The following PKNOX2 variants were observed in gnomAD, a reference collection of about 807,000 sequenced individuals.
PKNOX2 encodes PBX/knotted 1 homeobox 2, also known as homeobox protein PKNOX2.
A neutral mutation model predicts 53.1 loss-of-function variants in PKNOX2; 14 were observed. The ratio of observed to expected loss-of-function variants is 0.26; its 90% CI spans 0.17 to 0.41. The LOEUF (loss-of-function observed/expected upper bound fraction) is 0.41. PKNOX2 is among the 10% of genes least tolerant of loss of function. PKNOX2 has a pLI of 1.00. For missense variants in PKNOX2, 496 were observed against 602.8 expected (o/e 0.82, Z 1.85); for synonymous variants, 257 against 242.8 (o/e 1.06, Z -0.54).
chr11:125,414,036 G>A (rs1295608796), intron 10 of PKNOX2, among the ~76,000 whole-genome samples: 1 of 152,106 alleles, frequency 6.6e-6, no homozygotes, highest in Non-Finnish European at 1.5e-5. Flanking sequence ...GTCCCTCCTG[G>A]TCATGCCTGG....
chr11:125,326,754 G>A (rs1176621777), intron 2 of PKNOX2, among the ~76,000 whole-genome samples: 4 of 152,284 alleles, frequency 2.6e-5, no homozygotes, highest in African/African-American at 7.2e-5. Flanking sequence ...CCAGCCCCTT[G>A]TTTATAGATG....
chr11:125,375,758 T>C (rs1055786443), intron 5 of PKNOX2, among the ~76,000 whole-genome samples: 2 of 152,248 alleles, frequency 1.3e-5, no homozygotes, highest in African/African-American at 4.8e-5. Flanking sequence ...CTAGGGGGAC[T>C]GGCTGAATTT....
chr11:125,383,053 C>A (rs1181782128), intron 5 of PKNOX2, among the ~76,000 whole-genome samples: 7 of 152,168 alleles, frequency 4.6e-5, no homozygotes, highest in Non-Finnish European at 8.8e-5. Flanking sequence ...CCAAGCCCAG[C>A]AGCTCCTCTG....
At chr11:125,314,348 C>T (rs1355398365) in intron 2 of PKNOX2, among the ~76,000 whole-genome samples, 1 of 151,510 alleles carries the variant, frequency 6.6e-6, no homozygotes, top group Non-Finnish European at 1.5e-5. Context: ...GGGTCCTGGG[C>T]GGCAGCAGAT....
intron 9 of PKNOX2, chr11:125,411,509 TCC>T (rs1410958388): frequency 3.2e-5 from 10 of 316,686 alleles, no homozygotes; most frequent in South Asian, 7.9e-5. Context: ...TCTCTCTCTC[TCC>T]CCCCCTTCCC....
chr11:125,312,903 G>T (rs940324868), intron 2 of PKNOX2, among the ~76,000 whole-genome samples: 7 of 152,194 alleles, frequency 4.6e-5, no homozygotes, highest in Admixed American at 3.9e-4. Flanking sequence ...GTAGGAAAGG[G>T]CATTTTGAAC....
chr11:125,216,162 G>A (rs1940471948), intron 1 of PKNOX2, among the ~76,000 whole-genome samples: 1 of 152,194 alleles, frequency 6.6e-6, no homozygotes, highest in South Asian at 2.1e-4. Flanking sequence ...CCGTGAGATT[G>A]TCTCTTTTTG....
At chr11:125,384,909 T>C (rs964312596) in intron 5 of PKNOX2, among the ~76,000 whole-genome samples, 1 of 152,144 alleles carries the variant, frequency 6.6e-6, no homozygotes, top group Non-Finnish European at 1.5e-5. Context: ...AGTGAGCAAA[T>C]GATTTGCATC....
At chr11:125,199,702 C>T (rs2135395111) in intron 1 of PKNOX2, among the ~76,000 whole-genome samples, 1 of 152,172 alleles carries the variant, frequency 6.6e-6, no homozygotes, top group East Asian at 1.9e-4. Flanking sequence ...GGAAATTAGC[C>T]AGATGTGGTG....
At chr11:125,197,527 T>A (rs982483663) in intron 1 of PKNOX2, among the ~76,000 whole-genome samples, 6 of 152,070 alleles carry the variant, frequency 3.9e-5, no homozygotes, top group Non-Finnish European at 8.8e-5. Flanking sequence ...TCTGCCCCGG[T>A]CTTCAGTAGG....
chr11:125,195,883 G>GCACACACACA lies in PKNOX2; in HGVS notation c.-201+31138_-201+31147dup, dbSNP rs56021315. On this transcript the variant is annotated intron_variant, in intron 1 of 12. Transcript: ENST00000298282. ...ATTCTCTCCCAAGGAATATGTACAT[G>GCACACACACA]CACACACACACACACACACACACAC... Among the ~76,000 whole-genome samples the GCACACACACA allele has an allele frequency of 6.7e-3, 963 of 143,896 alleles. 12 individuals are homozygous for GCACACACACA. The highest frequency in any genetic ancestry group is 0.01 in the Middle Eastern group (3 of 288). 94.4% of individuals were successfully genotyped at this position (143,896 alleles called of 152,430 possible). A position where few individuals can be genotyped will look rare whatever the true frequency, so the allele number is the denominator to read the frequency against.
At chr11:125,328,524 A>G (rs57877265) in intron 2 of PKNOX2, among the ~76,000 whole-genome samples, 11,231 of 152,174 alleles carry the variant, frequency 0.074, 639 homozygotes, top group African/African-American at 0.16. Flanking sequence ...CAGGGCAGGA[A>G]GGAGTAGTAA....
chr11:125,431,540 G>A lies in PKNOX2; in HGVS notation c.*148G>A. On this transcript the variant is annotated 3_prime_UTR_variant, in exon 13 of 13. Coordinates refer to ENST00000298282, the MANE Select transcript of PKNOX2 (RefSeq NM_001382323.2). ...AATCAGTAGCTTGAAGAAAGGCAAA[G>A]GAGACACCTGTTCCTTCCCAACCAC... 4.4e-6 allele frequency: 4 copies of A among 917,010 alleles called. No individual in the cohort carries two copies. Among genetic ancestry groups the A allele is most frequent in the Non-Finnish European group, 4.8e-6 (3 of 621,700 alleles). The allele number at this position is 917,010 out of a possible 1,614,324, so 56.8% of individuals were successfully genotyped here. A position where few individuals can be genotyped will look rare whatever the true frequency, so the allele number is the denominator to read the frequency against.
intron 2 of PKNOX2, among the ~76,000 whole-genome samples, chr11:125,329,535 G>A (rs549813709): frequency 6.6e-6 from 1 of 152,330 alleles, no homozygotes; most frequent in African/African-American, 2.4e-5. Context: ...CTTATAGTTT[G>A]GAAGGAGATG....
chr11:125,405,892 C>G (rs900146707), intron 7 of PKNOX2, among the ~76,000 whole-genome samples: 1 of 152,130 alleles, frequency 6.6e-6, no homozygotes, highest in Non-Finnish European at 1.5e-5. Flanking sequence ...TTGGGGACAC[C>G]ACGGCTGTCT....
At chr11:125,315,806 C>T (rs531601773) in intron 2 of PKNOX2, among the ~76,000 whole-genome samples, 90 of 152,160 alleles carry the variant, frequency 5.9e-4, no homozygotes, top group African/African-American at 1.4e-3. Flanking sequence ...GCCCCCATGG[C>T]CTCCCCAGTG....
At chr11:125,384,997 C>T (rs149151519) in intron 5 of PKNOX2, among the ~76,000 whole-genome samples, 2 of 152,248 alleles carry the variant, frequency 1.3e-5, no homozygotes, top group African/African-American at 4.8e-5. Flanking sequence ...ACTGAGTCTA[C>T]CAAGACTCAG....
rs1370657130 is a variant in PKNOX2, at chr11:125,352,891, C to T, written c.87+1499C>T. 1.3e-5 allele frequency among the ~76,000 whole-genome samples: 2 copies of T among 152,186 alleles called. No homozygotes were observed. The highest frequency in any genetic ancestry group is 4.8e-5 in the African/African-American group (2 of 41,456). The stretch of plus-strand genomic sequence containing the variant: ...CTTGTATTTGAAAGCTTCCAGGCAT[C>T]CAACACTATGTCAAGTCCCTTCCCT... On this transcript the variant is annotated intron_variant, in intron 4 of 12. Transcript: ENST00000298282. The surrounding 1 kb of genome is among the most constrained non-coding windows in gnomAD (Gnocchi z 4.1).
At position 125,166,980 on chromosome 11, in the gene PKNOX2, G is replaced by A. The variant is rs1166865534; in HGVS notation, c.-201+2204G>A. ...ACACGGTGTATTACCCAAAGCCCCTGCCCTTGCCCTCCTGCTCTCTCTGCC... is the reference window on the plus strand; with the variant it reads ...ACACGGTGTATTACCCAAAGCCCCTACCCTTGCCCTCCTGCTCTCTCTGCC... On this transcript the variant is annotated intron_variant, in intron 1 of 12. Coordinates refer to ENST00000298282, the MANE Select transcript of PKNOX2 (RefSeq NM_001382323.2). The surrounding 1 kb of genome is among the most constrained non-coding windows in gnomAD (Gnocchi z 4.0). Among the ~76,000 whole-genome samples the A allele has an allele frequency of 1.3e-5, 2 of 152,154 alleles. No homozygotes were observed. Among genetic ancestry groups the A allele is most frequent in the East Asian group, 3.9e-4 (2 of 5,174 alleles).
Sources: gnomAD v4.1 joint callset for allele counts (sites outside exome capture counted in the v4.1 genomes callset) on GRCh38, gnomAD v4.1.1 for gene constraint, Gnocchi (gnomAD v3.1) non-coding constraint, MANE v1.5 for transcripts, NCBI Gene and HGNC (gene_info 2026-07-23, HGNC 2026-07-21) for gene names.